The following FRMD4A variants were observed in gnomAD, a reference collection of about 807,000 sequenced individuals.
FRMD4A encodes FERM domain containing 4A.
Under a neutral mutation model 129.1 loss-of-function variants are expected in FRMD4A, and 29 were observed. That is an observed-to-expected ratio of 0.22 (90% CI 0.17 to 0.31). FRMD4A has a LOEUF of 0.31. Among genes scored for constraint, FRMD4A ranks in the 10% least tolerant of loss-of-function variants. FRMD4A has a pLI of 1.00. For synonymous variants in FRMD4A, 634 were observed against 571.6 expected (o/e 1.11, Z -1.56); for missense variants, 1,272 against 1,375.8 (o/e 0.92, Z 1.19).
chr10:14,141,202 G>T (rs1350399971), intron 2 of FRMD4A, among the ~76,000 whole-genome samples: 1 of 152,154 alleles, frequency 6.6e-6, no homozygotes, highest in African/African-American at 2.4e-5. Flanking sequence ...AAGGGCCTTC[G>T]AAGTCTCCAC....
chr10:13,976,455 C>A (rs2095542404), intron 2 of FRMD4A, among the ~76,000 whole-genome samples: 1 of 152,160 alleles, frequency 6.6e-6, no homozygotes, highest in South Asian at 2.1e-4. Context: ...ACCTCCGTCC[C>A]ACTGGTTAAT....
intron 3 of FRMD4A, among the ~76,000 whole-genome samples, chr10:13,841,883 C>A (rs2093972071): frequency 6.6e-6 from 1 of 152,220 alleles, no homozygotes; most frequent in African/African-American, 2.4e-5. Context: ...GACCCCCAAC[C>A]TTGCAGCTGG....
chr10:14,181,211 T>C (rs928674530), intron 2 of FRMD4A, among the ~76,000 whole-genome samples: 14 of 152,268 alleles, frequency 9.2e-5, no homozygotes, highest in Admixed American at 6.5e-5. Flanking sequence ...CCTGCCCCGA[T>C]GTTTTATGAA....
chr10:14,173,572 A>G (rs1042173768), intron 2 of FRMD4A, among the ~76,000 whole-genome samples: 4 of 152,016 alleles, frequency 2.6e-5, no homozygotes, highest in Non-Finnish European at 5.9e-5. Flanking sequence ...GAGGAGGAGG[A>G]AGAGGAAGAG....
chr10:14,098,932 G>A (rs1384985332), intron 2 of FRMD4A, among the ~76,000 whole-genome samples: 1 of 152,170 alleles, frequency 6.6e-6, no homozygotes, highest in African/African-American at 2.4e-5. Flanking sequence ...GCTTTTCAGT[G>A]GTAGGACCTT....
intron 23 of FRMD4A, 199 bp downstream of exon 23, chr10:13,654,217 T>C: frequency 1.7e-6 from 1 of 605,240 alleles, no homozygotes; most frequent in Non-Finnish European, 2.9e-6. Context: ...CACAGACAAT[T>C]CACCTCTATA....
chr10:13,660,254 C>T (rs899615818), intron 20 of FRMD4A, 62 bp downstream of exon 20: 3 of 1,054,232 alleles, frequency 2.8e-6, no homozygotes, highest in Non-Finnish European at 2.9e-6. Flanking sequence ...TTGGGACGGC[C>T]CTTTGATTCT....
At chr10:14,143,855 T>G (rs1360642128) in intron 2 of FRMD4A, among the ~76,000 whole-genome samples, 1 of 152,122 alleles carries the variant, frequency 6.6e-6, no homozygotes, top group Non-Finnish European at 1.5e-5. Context: ...GTGATCTGTG[T>G]GCCTCAGCCT....
chr10:14,018,455 C>CAAAAAAAA (rs71388151), intron 2 of FRMD4A, among the ~76,000 whole-genome samples: 9 of 59,256 alleles, frequency 1.5e-4, no homozygotes, highest in Admixed American at 5.1e-4. Flanking sequence ...GACTCCATCT[C>CAAAAAAAA]AAAAAAAAAA....
intron 2 of FRMD4A, among the ~76,000 whole-genome samples, chr10:14,237,669 GAC>G (rs1480320717): frequency 2.0e-5 from 3 of 152,222 alleles, no homozygotes; most frequent in African/African-American, 7.2e-5. Flanking sequence ...GACAGACAGA[GAC>G]AGAGAGAATT....
intron 2 of FRMD4A, among the ~76,000 whole-genome samples, chr10:14,024,903 G>C (rs73593354): frequency 0.017 from 2,638 of 152,328 alleles, 87 homozygotes; most frequent in African/African-American, 0.06. Flanking sequence ...TTTCATAAAT[G>C]GCTAAACACA....
At chr10:14,270,751 GC>G (rs1316773273) in intron 2 of FRMD4A, among the ~76,000 whole-genome samples, 2 of 152,150 alleles carry the variant, frequency 1.3e-5, no homozygotes, top group African/African-American at 2.4e-5. Context: ...TTTCCTGTGG[GC>G]TAATTGATAT....
chr10:13,968,239 C>T (rs751221224), intron 2 of FRMD4A, among the ~76,000 whole-genome samples: 1 of 152,132 alleles, frequency 6.6e-6, no homozygotes, highest in Non-Finnish European at 1.5e-5. Context: ...TAAAAAGTTC[C>T]CTAGGTGAAC....
At chr10:13,985,872 C>T (rs2095579295) in intron 2 of FRMD4A, among the ~76,000 whole-genome samples, 1 of 152,210 alleles carries the variant, frequency 6.6e-6, no homozygotes, top group Non-Finnish European at 1.5e-5. Context: ...AGGAACTGAG[C>T]AGGCTGGCAG....
At chr10:14,151,129 T>C (rs1045562512) in intron 2 of FRMD4A, among the ~76,000 whole-genome samples, 4 of 152,168 alleles carry the variant, frequency 2.6e-5, no homozygotes, top group African/African-American at 9.7e-5. Context: ...AGGGTATCTG[T>C]CCACTGCAGG....
intron 2 of FRMD4A, among the ~76,000 whole-genome samples, chr10:14,045,483 T>G (rs908336887): frequency 6.6e-6 from 1 of 152,084 alleles, no homozygotes; most frequent in Admixed American, 6.6e-5. Flanking sequence ...GTGAGTTATA[T>G]ACTTTAAACA....
chr10:14,330,633 T>C lies in FRMD4A; in HGVS notation c.-118A>G, dbSNP rs1468300081. Reference sequence around the variant, plus strand: ...TGGTCAGTGTCTTCTTTGCTGCAGATAGGTGTGTCCCTTTTTGCAAAATCA... The same window carrying C: ...TGGTCAGTGTCTTCTTTGCTGCAGACAGGTGTGTCCCTTTTTGCAAAATCA... On this transcript the variant is annotated 5_prime_UTR_variant, in exon 1 of 25. Coordinates refer to ENST00000357447, the MANE Select transcript of FRMD4A (RefSeq NM_018027.5). The C allele has an allele frequency of 7.5e-6, 3 of 398,620 alleles. No individual in the cohort carries two copies. The highest frequency in any genetic ancestry group is 1.3e-5 in the Non-Finnish European group (3 of 226,602). 24.7% of individuals were successfully genotyped at this position (398,620 alleles called of 1,614,324 possible).
chr10:13,702,540 ATGTGTGTG>A (rs398012859), intron 13 of FRMD4A, among the ~76,000 whole-genome samples: 1,226 of 107,820 alleles, frequency 0.011, 21 homozygotes, highest in African/African-American at 0.032. Flanking sequence ...GTGTGTTTGC[ATGTGTGTG>A]TGTGTGTGTG....
At chr10:14,320,597 T>C (rs1465489638) in intron 2 of FRMD4A, among the ~76,000 whole-genome samples, 1 of 152,262 alleles carries the variant, frequency 6.6e-6, no homozygotes, top group African/African-American at 2.4e-5. Flanking sequence ...TTCAAATGCC[T>C]TGTTAGTAAA....
Sources: gnomAD v4.1 joint callset for allele counts (sites outside exome capture counted in the v4.1 genomes callset) on GRCh38, gnomAD v4.1.1 for gene constraint, MANE v1.5 for transcripts, NCBI Gene and HGNC (gene_info 2026-07-23, HGNC 2026-07-21) for gene names.